TRAF3IP2: variants seen among roughly 807,000 people sequenced by gnomAD.
TRAF3IP2 encodes the protein E3 ubiquitin ligase TRAF3IP2.
In TRAF3IP2, 35 loss-of-function variants were observed where a neutral mutation model predicts 57.9. The ratio of observed to expected loss-of-function variants is 0.60; its 90% CI spans 0.46 to 0.80. The LOEUF (loss-of-function observed/expected upper bound fraction) is 0.80, where lower values mean the gene tolerates loss of function less well. Ranked by LOEUF, TRAF3IP2 falls within the 30% of genes least tolerant of loss-of-function variation. The pLI is 0.00. For missense variants in TRAF3IP2, 556 were observed against 706.4 expected, an observed-to-expected ratio of 0.79 and a Z score of 2.41; for synonymous variants, 251 against 268.9, an observed-to-expected ratio of 0.93 and a Z score of 0.65.
At chr6:111,598,101 C>T (rs989435062) in intron 1 of TRAF3IP2, 1 of 347,980 alleles carries the variant, frequency 2.9e-6, no homozygotes. Flanking sequence ...CAGGAGAGTT[C>T]CTGGCTCAGA....
intron 2 of TRAF3IP2, among the ~76,000 whole-genome samples, chr6:111,588,509 G>A (rs1344438445): frequency 1.3e-5 from 2 of 152,174 alleles, no homozygotes; most frequent in Admixed American, 1.3e-4. Context: ...TCCAACAACA[G>A]GAAAAGTATT....
chr6:111,598,611 T>C (rs1796768712), intron 1 of TRAF3IP2, among the ~76,000 whole-genome samples: 1 of 152,186 alleles, frequency 6.6e-6, no homozygotes, highest in African/African-American at 2.4e-5. Context: ...TTGTATGATA[T>C]AAGGTCGTAT....
Position 111,556,781 on chromosome 6 carries a change from T to C in TRAF3IP2, c.*2624A>G, listed in dbSNP as rs1371109292. 3.3e-5 allele frequency: 5 copies of C among 152,214 alleles called. No homozygotes were observed. Among genetic ancestry groups the C allele is most frequent in the Non-Finnish European group, 5.9e-5 (4 of 68,042 alleles). 9.4% of individuals were successfully genotyped at this position (152,214 alleles called of 1,614,324 possible). On this transcript the variant is annotated 3_prime_UTR_variant, in exon 9 of 9. Transcript: ENST00000368761. ...AGTGTTCTTTGCAATGCATTAGCAA[T>C]GTTTCTTATTTATAGTTGACAAGTA...
At position 111,558,370 on chromosome 6, in the gene TRAF3IP2, A is replaced by G. The variant is rs747477741; in HGVS notation, c.*1035T>C. On this transcript the variant is annotated 3_prime_UTR_variant, in exon 9 of 9. Coordinates refer to ENST00000368761, the MANE Select transcript of TRAF3IP2 (RefSeq NM_147686.4). ...TAGTCAGATCCTGAGAACCATAATC[A>G]TACTATTTAGAATCATGGCTGTATG... 3.3e-5 allele frequency: 5 copies of G among 152,238 alleles called. No homozygotes were observed. Among genetic ancestry groups the G allele is most frequent in the Non-Finnish European group, 5.9e-5 (4 of 68,046 alleles). The allele number at this position is 152,238 out of a possible 1,614,324, so 9.4% of individuals were successfully genotyped here.
At chr6:111,592,502 T>C (rs1359461718) in intron 1 of TRAF3IP2, among the ~76,000 whole-genome samples, 2 of 152,212 alleles carry the variant, frequency 1.3e-5, no homozygotes, top group Admixed American at 6.5e-5. Context: ...TTGAGTTTTT[T>C]TTAAAAGCCA....
intron 1 of TRAF3IP2, among the ~76,000 whole-genome samples, chr6:111,593,083 A>T (rs1437124575): frequency 6.6e-6 from 1 of 152,246 alleles, no homozygotes; most frequent in Non-Finnish European, 1.5e-5. Context: ...TGATGCCTTG[A>T]CTGCAGGGGC....
At chr6:111,575,995 G>A (rs191380911) in intron 3 of TRAF3IP2, among the ~76,000 whole-genome samples, 174 bp from the exon 4 acceptor site, 19 of 152,294 alleles carry the variant, frequency 1.2e-4, no homozygotes, top group African/African-American at 4.6e-4. Flanking sequence ...GTCAATAAGC[G>A]TTTCAGCTGG....
intron 3 of TRAF3IP2, among the ~76,000 whole-genome samples, chr6:111,578,593 A>C (rs1357691741): frequency 6.6e-6 from 1 of 152,208 alleles, no homozygotes; most frequent in Non-Finnish European, 1.5e-5. Flanking sequence ...CAGTGAGTCG[A>C]GATCTCGCCA....
At chr6:111,587,317 G>A (rs977494909) in intron 2 of TRAF3IP2, among the ~76,000 whole-genome samples, 4 of 151,900 alleles carry the variant, frequency 2.6e-5, no homozygotes, top group South Asian at 2.1e-4. Flanking sequence ...GTGCAGTGGC[G>A]CGATCTCAGC....
At position 111,557,425 on chromosome 6, in the gene TRAF3IP2, T is replaced by G. The variant is rs1474472099; in HGVS notation, c.*1980A>C. The G allele has an allele frequency of 1.5e-5, 1 of 65,416 alleles. No homozygotes were observed. Among genetic ancestry groups the G allele is most frequent in the Non-Finnish European group, 2.5e-5 (1 of 39,452 alleles). 4.1% of individuals were successfully genotyped at this position (65,416 alleles called of 1,614,324 possible). The stretch of plus-strand genomic sequence containing the variant: ...TATCAACCTGAGGGTATTGTTGAAG[T>G]TTTTTTTTTTTTTTTTTTTTTTGAG... On this transcript the variant is annotated 3_prime_UTR_variant, in exon 9 of 9. Coordinates refer to ENST00000368761, the MANE Select transcript of TRAF3IP2 (RefSeq NM_147686.4).
chr6:111,582,694 C>G lies in TRAF3IP2; in HGVS notation c.830-2305G>C, dbSNP rs184107565. Reference sequence around the variant, plus strand: ...ATCAGGTCCCCAGGTAGGGGCCAGCCCTGCTTTTCAATGAGCCTTGCATGA... The same window carrying G: ...ATCAGGTCCCCAGGTAGGGGCCAGCGCTGCTTTTCAATGAGCCTTGCATGA... On this transcript the variant is annotated intron_variant, in intron 2 of 8. Coordinates refer to ENST00000368761, the MANE Select transcript of TRAF3IP2 (RefSeq NM_147686.4). 3.3e-3 allele frequency among the ~76,000 whole-genome samples: 508 copies of G among 152,252 alleles called. 3 individuals are homozygous for G. Among genetic ancestry groups the G allele is most frequent in the African/African-American group, 0.012 (478 of 41,520 alleles).
intron 2 of TRAF3IP2, 52 bp from the exon 3 acceptor site, chr6:111,580,441 G>A (rs778852101): frequency 1.2e-5 from 17 of 1,477,092 alleles, no homozygotes; most frequent in African/African-American, 5.7e-5. Flanking sequence ...TAGCTCCTTC[G>A]TGTGAAAGGA....
chr6:111,571,098 C>A (rs1351756342), intron 5 of TRAF3IP2, among the ~76,000 whole-genome samples: 1 of 139,604 alleles, frequency 7.2e-6, no homozygotes, highest in Non-Finnish European at 1.5e-5. Context: ...TTTTTTGAGA[C>A]AGAGCCTTGC....
chr6:111,574,346 G>A (rs943774460), intron 4 of TRAF3IP2, among the ~76,000 whole-genome samples: 1 of 152,184 alleles, frequency 6.6e-6, no homozygotes, highest in Admixed American at 6.5e-5. Context: ...AGAATTACCT[G>A]AGCTTCTCTA....
intron 1 of TRAF3IP2, among the ~76,000 whole-genome samples, chr6:111,596,652 C>A (rs1244512503): frequency 6.6e-6 from 1 of 152,154 alleles, no homozygotes; most frequent in Non-Finnish European, 1.5e-5. Flanking sequence ...CAGAGTTTCA[C>A]CACGTTGGCC....
rs1157531781 is a variant in TRAF3IP2 at position 111,566,551 on chromosome 6, T to C, written c.1369A>G (p.Met457Val). Residue 457 changes from methionine to valine, a missense_variant, in exon 7 of 9, where the codon ATG becomes GTG. Physicochemically the swap from Met to Val is conservative, Grantham distance 21. Around this residue, in one of 2 missense-constraint regions of TRAF3IP2, gnomAD observed 128 missense variants for 207.7 expected, o/e 0.62. Coordinates refer to ENST00000368761, the MANE Select transcript of TRAF3IP2 (RefSeq NM_147686.4). ...MERYLRDKTV[M>V]IIVAISPKYK... Reference sequence around the variant, plus strand: ...TTGGGGCTGATTGCTACGATTATCATCACGGTCTTCTGTTAATGAGAGGGA... The same window carrying C: ...TTGGGGCTGATTGCTACGATTATCACCACGGTCTTCTGTTAATGAGAGGGA... 6.2e-6 allele frequency: 10 copies of C among 1,614,042 alleles called. No individual in the cohort carries two copies. Among genetic ancestry groups the C allele is most frequent in the Non-Finnish European group, 8.5e-6 (10 of 1,179,896 alleles).
At chr6:111,567,209 T>G in intron 6 of TRAF3IP2, 1 of 1,003,586 alleles carries the variant, frequency 1.0e-6, no homozygotes, top group Non-Finnish European at 1.2e-6. Context: ...GGGCTGCACG[T>G]GGGCACCTCG....
chr6:111,571,190 C>T (rs1489361401), intron 5 of TRAF3IP2, among the ~76,000 whole-genome samples: 2 of 152,048 alleles, frequency 1.3e-5, no homozygotes, highest in African/African-American at 4.8e-5. Flanking sequence ...ATTCTCCTGC[C>T]TCAGCCTCCC....
rs756683257 is a variant in TRAF3IP2 at position 111,591,700 on chromosome 6, A to T, written c.387T>A (p.His129Gln). Residue 129 changes from histidine (H) to glutamine (Q), a missense_variant, in exon 2 of 9, where the codon CAT becomes CAA. By Grantham distance (24) the His-to-Gln change is conservative. Around this residue, in one of 2 missense-constraint regions of TRAF3IP2, gnomAD observed 428 missense variants for 498.7 expected, o/e 0.86. Transcript: ENST00000368761. This position sits in a 1 kb window ranked among gnomAD's most constrained non-coding sequence, Gnocchi z 4.9. ...ESVVGALPAE[H>Q]QFSFMEKRNQ... Reference sequence around the variant, plus strand: ...TACGTTTTTCCATAAATGAAAACTGATGCTCTGCAGGGAGGGCTCCAACCA... The same window carrying T: ...TACGTTTTTCCATAAATGAAAACTGTTGCTCTGCAGGGAGGGCTCCAACCA... 1.9e-6 allele frequency: 3 copies of T among 1,614,128 alleles called. No individual in the cohort carries two copies. The African/African-American group carries it at 4.0e-5, about 22-fold the overall frequency.
Sources: gnomAD v4.1 joint callset for allele counts (sites outside exome capture counted in the v4.1 genomes callset) on GRCh38, gnomAD v4.1.1 for gene constraint, gnomAD v4.1.1 regional missense constraint, Gnocchi (gnomAD v3.1) non-coding constraint, MANE v1.5 for transcripts, NCBI Gene and HGNC (gene_info 2026-07-23, HGNC 2026-07-21) for gene names.